The following SPOCK3 variants were observed in gnomAD, a reference collection of about 807,000 sequenced individuals.
SPOCK3 encodes the protein testican-3.
A neutral mutation model predicts 56.6 loss-of-function variants in SPOCK3; 30 were observed. The observed-to-expected ratio is 0.53, with a 90% confidence interval of 0.40 to 0.72. The LOEUF (loss-of-function observed/expected upper bound fraction) is 0.72, where lower values mean the gene tolerates loss of function less well. Ranked by LOEUF, SPOCK3 falls within the 30% of genes least tolerant of loss-of-function variation. The probability of loss-of-function intolerance (pLI) is 0.00; values close to 1 mark genes in which losing one functional copy is unlikely to be tolerated. For synonymous variants in SPOCK3, 196 were observed against 183.3 expected (o/e 1.07, Z -0.56); for missense variants, 527 against 530.0 (o/e 0.99, Z 0.06).
chr4:167,135,360 G>A (rs1763025331), intron 2 of SPOCK3, among the ~76,000 whole-genome samples: 1 of 152,106 alleles, frequency 6.6e-6, no homozygotes, highest in African/African-American at 2.4e-5. Flanking sequence ...ACACATGGGA[G>A]GAAGAAAGTA....
At chr4:167,106,036 G>A (rs1760112417) in intron 2 of SPOCK3, among the ~76,000 whole-genome samples, 1 of 151,784 alleles carries the variant, frequency 6.6e-6, no homozygotes, top group Non-Finnish European at 1.5e-5. Flanking sequence ...TAGCTGGAGA[G>A]TTTAACACCC....
At position 166,766,968 on chromosome 4, in the gene SPOCK3, A is replaced by C. The variant is rs1418707441; in HGVS notation, c.710-12239T>G. Among the ~76,000 whole-genome samples the C allele has an allele frequency of 6.4e-5, 9 of 141,022 alleles. No homozygotes were observed. The East Asian group carries it at 1.7e-3, about 27-fold the overall frequency. 92.5% of individuals were successfully genotyped at this position (141,022 alleles called of 152,430 possible). On this transcript the variant is annotated intron_variant, in intron 7 of 10. Coordinates refer to ENST00000357545, the MANE Select transcript of SPOCK3 (RefSeq NM_001040159.2). ...CCATTTCTTCTAGATTTTCTAGTTT[A>C]TTTGTGTAGAGGTGTTTATAGTATT... is the stretch of plus-strand genomic sequence containing the variant.
intron 2 of SPOCK3, among the ~76,000 whole-genome samples, chr4:167,204,835 A>C (rs1733873527): frequency 6.6e-6 from 1 of 151,328 alleles, no homozygotes. Flanking sequence ...ATATTTATTT[A>C]TTTATTAGAA....
chr4:166,877,937 T>A (rs767915752), intron 6 of SPOCK3, among the ~76,000 whole-genome samples: 11 of 152,266 alleles, frequency 7.2e-5, no homozygotes, highest in Non-Finnish European at 1.5e-4. Context: ...ACCATAGCTA[T>A]CATCCTGCAT....
chr4:166,754,240 G>T, intron 8 of SPOCK3: 1 of 1,133,924 alleles, frequency 8.8e-7, no homozygotes, highest in African/African-American at 1.6e-5. Flanking sequence ...ATTTCTGTGT[G>T]CTTCTTGGTG....
At chr4:167,159,909 C>G (rs898866645) in intron 2 of SPOCK3, among the ~76,000 whole-genome samples, 3 of 152,038 alleles carry the variant, frequency 2.0e-5, no homozygotes, top group Non-Finnish European at 2.9e-5. Context: ...TAAGAGCTAT[C>G]TATGACAAAC....
At chr4:167,050,164 C>G (rs566543133) in intron 3 of SPOCK3, among the ~76,000 whole-genome samples, 11 of 152,226 alleles carry the variant, frequency 7.2e-5, no homozygotes, top group African/African-American at 2.4e-4. Flanking sequence ...CTTCTGGCAC[C>G]AGATCTGAAA....
At chr4:166,832,374 A>C (rs1216329708) in intron 6 of SPOCK3, among the ~76,000 whole-genome samples, 2 of 143,090 alleles carry the variant, frequency 1.4e-5, no homozygotes, top group African/African-American at 5.2e-5. Flanking sequence ...ATCCCACACC[A>C]ATCAGAATGG....
intron 9 of SPOCK3, among the ~76,000 whole-genome samples, chr4:166,739,300 G>C (rs1393439892): frequency 6.6e-6 from 1 of 151,964 alleles, no homozygotes; most frequent in Non-Finnish European, 1.5e-5. Context: ...GAGTGCAGTG[G>C]GGCGATCTCG....
intron 3 of SPOCK3, among the ~76,000 whole-genome samples, chr4:167,010,201 T>C (rs1431551111): frequency 6.6e-6 from 1 of 152,078 alleles, no homozygotes; most frequent in Non-Finnish European, 1.5e-5. Flanking sequence ...AATCATATAT[T>C]GCAGTGAGGA....
intron 2 of SPOCK3, among the ~76,000 whole-genome samples, chr4:167,222,645 A>G (rs1295910353): frequency 8.6e-5 from 12 of 140,016 alleles, no homozygotes; most frequent in South Asian, 2.1e-4. Context: ...TATATTATAT[A>G]TTCATATATA....
At chr4:166,814,571 T>C (rs1744193875) in intron 6 of SPOCK3, among the ~76,000 whole-genome samples, 1 of 152,096 alleles carries the variant, frequency 6.6e-6, no homozygotes, top group Non-Finnish European at 1.5e-5. Flanking sequence ...CTTCTATTCC[T>C]CCTGACCTTG....
At chr4:166,949,390 C>T (rs1007959200) in intron 4 of SPOCK3, among the ~76,000 whole-genome samples, 6 of 152,268 alleles carry the variant, frequency 3.9e-5, no homozygotes, top group African/African-American at 7.2e-5. Context: ...TGAGGAACTG[C>T]GTTCCTTTGG....
At chr4:166,765,270 G>A (rs1388012335) in intron 7 of SPOCK3, among the ~76,000 whole-genome samples, 1 of 152,158 alleles carries the variant, frequency 6.6e-6, no homozygotes, top group African/African-American at 2.4e-5. Context: ...CCATGCCTAT[G>A]TCCTGAATGG....
chr4:166,938,283 C>T lies in SPOCK3; in HGVS notation c.351-25540G>A, dbSNP rs113156381. On this transcript the variant is annotated intron_variant, in intron 4 of 10. Transcript: ENST00000357545. ...CTATGGAAGGAGCAGGTGTAAAAAC[C>T]GCTTGGGAAGAGAAATTGATGTAAT... Among the ~76,000 whole-genome samples the T allele has an allele frequency of 2.6e-5, 4 of 151,976 alleles. 1 individual carries two copies. Among genetic ancestry groups the T allele is most frequent in the East Asian group, 1.9e-4 (1 of 5,176 alleles).
intron 2 of SPOCK3, among the ~76,000 whole-genome samples, chr4:167,205,204 T>C (rs1160207506): frequency 3.7e-4 from 37 of 99,986 alleles, no homozygotes; most frequent in East Asian, 1.8e-3. Flanking sequence ...ATCTATAATA[T>C]ATATTATATA....
intron 2 of SPOCK3, among the ~76,000 whole-genome samples, chr4:167,143,721 AATG>A (rs1298868378): frequency 6.6e-6 from 1 of 151,982 alleles, no homozygotes; most frequent in Admixed American, 6.6e-5. Flanking sequence ...TAATTTTCCA[AATG>A]GAAAACCCTG....
At chr4:166,976,896 T>C (rs1294975518) in intron 4 of SPOCK3, among the ~76,000 whole-genome samples, 2 of 151,780 alleles carry the variant, frequency 1.3e-5, no homozygotes, top group African/African-American at 2.4e-5. Context: ...AATCAAATTG[T>C]ATTTATTTTA....
intron 2 of SPOCK3, among the ~76,000 whole-genome samples, chr4:167,176,689 T>C (rs1380840150): frequency 6.6e-6 from 1 of 151,996 alleles, no homozygotes; most frequent in African/African-American, 2.4e-5. Flanking sequence ...CAGCAGCACC[T>C]AGATAATGAG....
Sources: allele counts gnomAD v4.1 joint callset (sites outside exome capture counted in the v4.1 genomes callset), GRCh38; gene constraint gnomAD v4.1.1; transcripts MANE v1.5; gene names NCBI Gene and HGNC (gene_info 2026-07-23, HGNC 2026-07-21).